Variants in CCDC178 observed in about 807,000 individuals in gnomAD.
CCDC178 encodes coiled-coil domain-containing protein 178.
CCDC178 carries 126 observed loss-of-function variants against 117.4 expected under a neutral mutation model. The observed-to-expected ratio is 1.07, with a 90% CI of 0.93 to 1.24. The LOEUF (loss-of-function observed/expected upper bound fraction) is 1.24. Ranked by LOEUF, CCDC178 falls within the 50% of genes most tolerant of loss-of-function variation. The pLI is 0.00. For missense variants in CCDC178, 1,030 were observed against 986.9 expected, an observed-to-expected ratio of 1.04 and a Z score of -0.59; for synonymous variants, 283 against 313.4, an observed-to-expected ratio of 0.90 and a Z score of 1.02.
intron 20 of CCDC178, among the ~76,000 whole-genome samples, chr18:33,103,950 C>T (rs895920165): frequency 2.0e-5 from 3 of 151,780 alleles, no homozygotes; most frequent in African/African-American, 7.2e-5. Context: ...TATAGCCACA[C>T]AGAATGAACT....
chr18:33,200,661 G>A (rs759175860), intron 20 of CCDC178, among the ~76,000 whole-genome samples: 1 of 152,132 alleles, frequency 6.6e-6, no homozygotes, highest in Non-Finnish European at 1.5e-5. Flanking sequence ...TTTCTTGGCT[G>A]TCTTGTTCCC....
rs2059281698 is a variant in CCDC178, at chr18:33,224,786, C to A, written c.1807G>T (p.Glu603Ter). 6.5e-7 allele frequency: 1 copy of A among 1,530,226 alleles called. No individual in the cohort carries two copies. 94.8% of individuals were successfully genotyped at this position (1,530,226 alleles called of 1,614,324 possible). A position where few individuals can be genotyped will look rare whatever the true frequency, so the allele number is the denominator to read the frequency against. The part of the protein sequence containing the change: ...EAERIRSLDK[E>*]HSVMLNNIID... The stretch of plus-strand genomic sequence containing the variant: ...AATTAAATGCTTACAACAGAATGTT[C>A]TTTGTCGAGACTTCTGATTCTTTCA... Residue 603 changes from glutamate (E) to a stop codon, truncating the protein, a stop_gained, in exon 17 of 23, where the codon GAA (glutamate) becomes TAA (stop). Transcript: ENST00000383096. LOFTEE classifies it high-confidence loss of function.
intron 2 of CCDC178, 130 bp from the exon 3 acceptor site, chr18:33,412,240 T>G: frequency 2.4e-6 from 1 of 417,632 alleles, no homozygotes; most frequent in Non-Finnish European, 4.4e-6. Context: ...AGTCCAACAA[T>G]GTACTCTTTT....
chr18:33,068,281 C>CA (rs995886383), intron 21 of CCDC178, among the ~76,000 whole-genome samples: 106 of 152,120 alleles, frequency 7.0e-4, no homozygotes, highest in African/African-American at 2.5e-3. Context: ...TCACAGTATT[C>CA]AAAAAAATTA....
chr18:33,350,376 T>A (rs1382598128), intron 7 of CCDC178, among the ~76,000 whole-genome samples: 1 of 152,088 alleles, frequency 6.6e-6, no homozygotes, highest in Non-Finnish European at 1.5e-5. Flanking sequence ...TATCATCCCA[T>A]CTCATTCCAA....
intron 21 of CCDC178, among the ~76,000 whole-genome samples, chr18:32,981,813 A>G (rs2144716725): frequency 6.6e-6 from 1 of 152,226 alleles, no homozygotes; most frequent in Admixed American, 6.5e-5. Context: ...CTGCCTCATA[A>G]AATTATTGGT....
intron 20 of CCDC178, among the ~76,000 whole-genome samples, chr18:33,159,019 A>T (rs1044357722): frequency 6.6e-6 from 1 of 152,098 alleles, no homozygotes; most frequent in Non-Finnish European, 1.5e-5. Context: ...AATTTTTAAT[A>T]CTATGCATAA....
chr18:33,180,820 T>C (rs1199329129), intron 20 of CCDC178, among the ~76,000 whole-genome samples: 2 of 152,224 alleles, frequency 1.3e-5, no homozygotes, highest in Admixed American at 1.3e-4. Flanking sequence ...TTGCTTAAAT[T>C]GTGAAAGTAT....
At chr18:33,233,158 A>C (rs1250601721) in intron 15 of CCDC178, among the ~76,000 whole-genome samples, 1 of 152,166 alleles carries the variant, frequency 6.6e-6, no homozygotes, top group Non-Finnish European at 1.5e-5. Flanking sequence ...TTAAACCTGC[A>C]TCTCTGTTGG....
At chr18:33,224,687 T>C in intron 17 of CCDC178, 88 bp downstream of exon 17, 1 of 867,884 alleles carries the variant, frequency 1.2e-6, no homozygotes, top group Non-Finnish European at 1.6e-6. Flanking sequence ...GAAATCATAA[T>C]TTCCCAAATG....
At chr18:33,039,079 A>T (rs886608745) in intron 21 of CCDC178, among the ~76,000 whole-genome samples, 1 of 152,062 alleles carries the variant, frequency 6.6e-6, no homozygotes, top group African/African-American at 2.4e-5. Context: ...TGACCAGTTA[A>T]AAAAGGATGT....
intron 21 of CCDC178, among the ~76,000 whole-genome samples, chr18:32,985,000 T>A (rs918435449): frequency 6.6e-6 from 1 of 151,940 alleles, no homozygotes; most frequent in Non-Finnish European, 1.5e-5. Context: ...CCACAGTATA[T>A]CTTTATAGTC....
intron 20 of CCDC178, among the ~76,000 whole-genome samples, chr18:33,127,222 G>A (rs1408798702): frequency 1.3e-5 from 2 of 151,816 alleles, no homozygotes; most frequent in Non-Finnish European, 2.9e-5. Context: ...TCATTTGAAT[G>A]TATGGATTCT....
At chr18:33,357,813 G>T (rs545786641) in intron 6 of CCDC178, among the ~76,000 whole-genome samples, 4 of 143,338 alleles carry the variant, frequency 2.8e-5, no homozygotes, top group African/African-American at 1.0e-4. Context: ...AAAATTATAT[G>T]ATATATATAT....
Position 33,024,809 on chromosome 18 carries a change from A to AT in CCDC178, c.2389-50129dup, listed in dbSNP as rs34250187. 3.1e-4 allele frequency among the ~76,000 whole-genome samples: 43 copies of AT among 139,490 alleles called. 1 individual carries two copies. Among genetic ancestry groups the AT allele is most frequent in the African/African-American group, 1.0e-3 (40 of 38,486 alleles). The allele number at this position is 139,490 out of a possible 152,430, so 91.5% of individuals were successfully genotyped here. ...CAGGTGCCTGCTACCATGCTCAGCT[A>AT]TTTTTTTTTTTTTTTGTATTTTTAG... On this transcript the variant is annotated intron_variant, in intron 21 of 22. Coordinates refer to ENST00000383096, the MANE Select transcript of CCDC178 (RefSeq NM_001105528.4).
At chr18:33,131,603 C>T (rs2058069421) in intron 20 of CCDC178, among the ~76,000 whole-genome samples, 1 of 151,614 alleles carries the variant, frequency 6.6e-6, no homozygotes, top group African/African-American at 2.4e-5. Context: ...TACTTACCCA[C>T]CAACATTATG....
chr18:33,273,654 G>A (rs1472421853), intron 12 of CCDC178, among the ~76,000 whole-genome samples: 3 of 151,726 alleles, frequency 2.0e-5, no homozygotes, highest in East Asian at 3.9e-4. Flanking sequence ...TGAAAATACT[G>A]AATATCCACT....
intron 21 of CCDC178, among the ~76,000 whole-genome samples, chr18:33,071,665 T>A (rs1375817313): frequency 6.6e-6 from 1 of 152,096 alleles, no homozygotes; most frequent in Admixed American, 6.6e-5. Flanking sequence ...ATTGGGAAAC[T>A]TGAGGAAATA....
intron 12 of CCDC178, among the ~76,000 whole-genome samples, chr18:33,269,940 A>G (rs1157646941): frequency 6.6e-6 from 1 of 151,852 alleles, no homozygotes; most frequent in Admixed American, 6.6e-5. Flanking sequence ...TATTAATCCA[A>G]TTGGAAATTT....
Sources: gnomAD v4.1 joint callset for allele counts (sites outside exome capture counted in the v4.1 genomes callset) on GRCh38, gnomAD v4.1.1 for gene constraint, MANE v1.5 for transcripts, NCBI Gene and HGNC (gene_info 2026-07-23, HGNC 2026-07-21) for gene names.